ACCSL: variants seen among roughly 807,000 people sequenced by gnomAD.
ACCSL encodes the protein probable inactive 1-aminocyclopropane-1-carboxylate synthase-like protein 2.
In ACCSL, 55 loss-of-function variants were observed where a neutral mutation model predicts 61.7. That is an observed-to-expected ratio of 0.89 (90% CI 0.72 to 1.12). The LOEUF is 1.12. Among genes scored for constraint, ACCSL ranks in the 50% most tolerant of loss-of-function variants. The probability of loss-of-function intolerance (pLI) is 0.00; values close to 1 mark genes in which losing one functional copy is unlikely to be tolerated. For missense variants in ACCSL, 632 were observed against 698.0 expected, an observed-to-expected ratio of 0.91 and a Z score of 1.07; for synonymous variants, 258 against 264.3, an observed-to-expected ratio of 0.98 and a Z score of 0.23.
chr11:44,027,364 T>A, the ACCSL span, among the ~76,000 whole-genome samples: 1 of 152,210 alleles, frequency 6.6e-6, no homozygotes, highest in Non-Finnish European at 1.5e-5. Flanking sequence ...AATTGGAGCT[T>A]TTCATAGCCG....
the ACCSL span, among the ~76,000 whole-genome samples, chr11:44,023,884 C>T: frequency 2.6e-5 from 4 of 152,030 alleles, no homozygotes; most frequent in South Asian, 2.1e-4. Flanking sequence ...CTACTTTCCC[C>T]TGTAATTTAT....
chr11:44,006,346 G>C, the ACCSL span, among the ~76,000 whole-genome samples: 1 of 152,320 alleles, frequency 6.6e-6, no homozygotes, highest in Non-Finnish European at 1.5e-5. Context: ...GCCCCTTCCA[G>C]CTCTGGGTGC....
At chr11:44,020,919 G>A in the ACCSL span, among the ~76,000 whole-genome samples, 2 of 152,002 alleles carry the variant, frequency 1.3e-5, no homozygotes, top group Non-Finnish European at 2.9e-5. Flanking sequence ...TAGAATGATG[G>A]TTTCCAACTA....
chr11:43,925,300 G>A, the ACCSL span: 3 of 451,306 alleles, frequency 6.6e-6, no homozygotes, highest in African/African-American at 6.0e-5. Context: ...TTAGGCCAGT[G>A]TTCTTTCTGC....
chr11:43,924,668 C>T, the ACCSL span, among the ~76,000 whole-genome samples: 23 of 152,366 alleles, frequency 1.5e-4, no homozygotes, highest in East Asian at 3.7e-3. Context: ...CCAGGCCCCT[C>T]GCACCCTGGG....
the ACCSL span, among the ~76,000 whole-genome samples, chr11:44,011,420 T>C: frequency 0.018 from 2,714 of 152,312 alleles, 81 homozygotes; most frequent in African/African-American, 0.061. Context: ...TTTTTGCTGA[T>C]CATTCTGTCC....
intron 9 of ACCSL, 42 bp downstream of exon 9, chr11:44,055,333 G>C (rs763889347): frequency 1.9e-6 from 3 of 1,541,512 alleles, no homozygotes; most frequent in Non-Finnish European, 1.8e-6. Flanking sequence ...GAACCACAAG[G>C]TTCTTGTTTT....
rs779150300 is a variant in ACCSL, at chr11:44,056,273, A to G, written c.1274A>G (p.His425Arg). The change falls in exon 11 of 14, where the codon CAC becomes CGC. Residue 425 changes from histidine to arginine, a missense_variant. Physicochemically the swap from His to Arg is conservative, Grantham distance 29 (BLOSUM62 0). Transcript: ENST00000378832. ...ASAVSAFGYL[H>R]SISGITQHKL... ...GCTGTGAGTGCCTTTGGCTACCTCC[A>G]CAGTATTTCTGGCATCACCCAGCAC... is the stretch of plus-strand genomic sequence containing the variant. 2.5e-6 allele frequency: 4 copies of G among 1,614,228 alleles called. No homozygotes were observed. In the South Asian group the frequency reaches 4.4e-5, roughly 18 times the overall value.
the ACCSL span, among the ~76,000 whole-genome samples, chr11:43,986,308 AC>A: frequency 0.26 from 13,022 of 49,606 alleles, 557 homozygotes; most frequent in Middle Eastern, 0.33. Flanking sequence ...CCCCACCCCC[AC>A]CCCCCACCCA....
chr11:44,025,022 C>T, the ACCSL span, among the ~76,000 whole-genome samples: 4 of 152,158 alleles, frequency 2.6e-5, no homozygotes, highest in African/African-American at 9.6e-5. Flanking sequence ...CTTTTAGGCA[C>T]ATTTGCATAG....
intron 8 of ACCSL, among the ~76,000 whole-genome samples, chr11:44,054,186 C>T (rs367796019): frequency 1.3e-5 from 2 of 152,208 alleles, no homozygotes; most frequent in Non-Finnish European, 1.5e-5. Flanking sequence ...GGGATGAAGA[C>T]GTGTTCCTAT....
upstream of ACCSL, among the ~76,000 whole-genome samples, chr11:44,044,775 A>G (rs1952589405): frequency 6.6e-6 from 1 of 152,136 alleles, no homozygotes; most frequent in Non-Finnish European, 1.5e-5. Flanking sequence ...CATTTCCCAC[A>G]TTCATTTCTC....
the ACCSL span, among the ~76,000 whole-genome samples, chr11:43,956,394 T>C: frequency 6.6e-6 from 1 of 151,870 alleles, no homozygotes; most frequent in Non-Finnish European, 1.5e-5. Context: ...TTAGATCAGG[T>C]CTCTTTCTGT....
At chr11:43,992,054 CTTT>C in the ACCSL span, among the ~76,000 whole-genome samples, 16 of 114,140 alleles carry the variant, frequency 1.4e-4, no homozygotes, top group Admixed American at 2.9e-4. Context: ...TTCTTTCTTT[CTTT>C]TTTTTTTTTT....
the ACCSL span, among the ~76,000 whole-genome samples, chr11:43,948,527 G>A: frequency 1.3e-5 from 2 of 152,108 alleles, no homozygotes. Flanking sequence ...AGGCTGGAGC[G>A]CAGTGGAGCA....
the ACCSL span, chr11:43,943,653 C>T: frequency 1.5e-6 from 2 of 1,305,134 alleles, no homozygotes; most frequent in African/African-American, 1.5e-5. This position sits in a 1 kb window ranked among gnomAD's most constrained non-coding sequence, Gnocchi z 4.8. Context: ...CCGTGCCCCC[C>T]AGCGCACACC....
chr11:43,934,785 C>G, the ACCSL span, among the ~76,000 whole-genome samples: 1 of 152,206 alleles, frequency 6.6e-6, no homozygotes, highest in South Asian at 2.1e-4. Context: ...TTCTTCCCAC[C>G]TTGATGTGCA....
At position 44,058,337 on chromosome 11, in the gene ACCSL, C is replaced by T. The variant is rs140236672; in HGVS notation, c.1348C>T (p.Leu450=). The part of the protein sequence containing the change: ...QNTEWIDKVY[L]PTNCYRLREA... ...TCCAGAATGGATTGACAAAGTATAC[C>T]TACCCACCAATTGCTACCGGCTCCG... The change falls in exon 12 of 14, where the codon CTA becomes TTA. Residue 450 remains leucine, a synonymous_variant. Coordinates refer to ENST00000378832, the MANE Select transcript of ACCSL (RefSeq NM_001031854.2). 8.7e-6 allele frequency: 14 copies of T among 1,614,144 alleles called. No individual in the cohort carries two copies. In the African/African-American group the frequency reaches 1.7e-4, roughly 20 times the overall value.
the ACCSL span, among the ~76,000 whole-genome samples, chr11:44,038,480 G>T: frequency 6.6e-6 from 1 of 152,196 alleles, no homozygotes; most frequent in Non-Finnish European, 1.5e-5. Context: ...GCAGGAATGC[G>T]CAGAGTGGGC....
Sources: allele counts gnomAD v4.1 joint callset (sites outside exome capture counted in the v4.1 genomes callset), GRCh38; gene constraint gnomAD v4.1.1; non-coding constraint Gnocchi (gnomAD v3.1); transcripts MANE v1.5; gene names NCBI Gene and HGNC (gene_info 2026-07-23, HGNC 2026-07-21).